Variants in STK24 observed in about 807,000 individuals in gnomAD.
STK24 encodes the protein serine/threonine-protein kinase 24.
In STK24, 21 loss-of-function variants were observed where a neutral mutation model predicts 55.6. That is an observed-to-expected ratio of 0.38 (90% CI 0.27 to 0.54). The LOEUF (loss-of-function observed/expected upper bound fraction) is 0.54, where lower values mean the gene tolerates loss of function less well. Ranked by LOEUF, STK24 falls within the 20% of genes least tolerant of loss-of-function variation. The pLI, the probability that STK24 is intolerant of heterozygous loss-of-function variation, is 0.79. For missense variants in STK24, 383 were observed against 538.4 expected (o/e 0.71, Z 2.86); for synonymous variants, 200 against 215.2 (o/e 0.93, Z 0.62).
chr13:98,448,158 T>TTCTGTAAGCGATGCCCACCAAA lies in STK24; in HGVS notation c.*4993_*5014dup, dbSNP rs1892975000. 5.6e-6 allele frequency: 7 copies of TTCTGTAAGCGATGCCCACCAAA among 1,254,518 alleles called. No individual in the cohort carries two copies. The highest frequency in any genetic ancestry group is 8.2e-6 in the Non-Finnish European group (7 of 854,972). 77.7% of individuals were successfully genotyped at this position (1,254,518 alleles called of 1,614,324 possible). On this transcript the variant is annotated 3_prime_UTR_variant, in exon 11 of 11. Transcript: ENST00000539966. ...CAGGCGGCCTGACTTCACCTTGTGT[T>TTCTGTAAGCGATGCCCACCAAA]TCTGTAAGCGATGCCCACCAAAGTG...
At chr13:98,471,993 C>CTGAG (rs1221574483) in intron 5 of STK24, among the ~76,000 whole-genome samples, 1 of 152,180 alleles carries the variant, frequency 6.6e-6, no homozygotes, top group African/African-American at 2.4e-5. Context: ...TGGGAAGCAG[C>CTGAG]TGAGTGAGCC....
chr13:98,543,535 G>A (rs142589806), intron 1 of STK24, among the ~76,000 whole-genome samples: 29 of 152,370 alleles, frequency 1.9e-4, no homozygotes, highest in African/African-American at 7.0e-4. Context: ...AACAGCAGCT[G>A]AGAAGCAGCA....
At chr13:98,478,714 G>C (rs1894475539) in intron 3 of STK24, among the ~76,000 whole-genome samples, 1 of 152,170 alleles carries the variant, frequency 6.6e-6, no homozygotes, top group Non-Finnish European at 1.5e-5. Context: ...TTTTAAGTCC[G>C]TCAAACATCT....
chr13:98,458,951 T>C (rs1413304829), intron 9 of STK24, among the ~76,000 whole-genome samples: 2 of 152,214 alleles, frequency 1.3e-5, no homozygotes, highest in Admixed American at 1.3e-4. Flanking sequence ...TAAAAATACA[T>C]TGGGAAAGAT....
chr13:98,514,491 C>G lies in STK24; in HGVS notation c.273+4752G>C, dbSNP rs545867095. 3.8e-4 allele frequency among the ~76,000 whole-genome samples: 58 copies of G among 152,334 alleles called. 1 individual carries two copies. The highest frequency in any genetic ancestry group is 1.4e-3 in the African/African-American group (57 of 41,576). ...GTACTTTCATAGAGTACTTAGTTTT[C>G]TAAAACTCACCAAGGGACTTTCCCA... On this transcript the variant is annotated intron_variant, in intron 2 of 10. Coordinates refer to ENST00000539966, the MANE Select transcript of STK24 (RefSeq NM_001032296.4).
chr13:98,475,203 C>T, intron 4 of STK24, 47 bp downstream of exon 4: 2 of 1,539,806 alleles, frequency 1.3e-6, no homozygotes, highest in East Asian at 4.5e-5. Context: ...GGCAACCCCA[C>T]CACCACCTTC....
intron 1 of STK24, among the ~76,000 whole-genome samples, chr13:98,541,077 G>A (rs1253220181): frequency 5.9e-5 from 9 of 152,206 alleles, no homozygotes; most frequent in Non-Finnish European, 1.3e-4. Flanking sequence ...TGAGGCTCCA[G>A]AGGAAGGTCT....
chr13:98,482,297 C>A lies in STK24; in HGVS notation c.298G>T (p.Glu100Ter). ...LKDTKLWIIM[E>*]YLGGGSALDL... ...AGTGCGGAGCCTCCACCAAGATATT[C>A]CATTATTATCCATAATTTTGTATCC... is the stretch of plus-strand genomic sequence containing the variant. The change falls in exon 3 of 11, where the codon GAA becomes TAA. Residue 100 changes from glutamate to a stop codon, truncating the protein, a stop_gained. Coordinates refer to ENST00000539966, the MANE Select transcript of STK24 (RefSeq NM_001032296.4). LOFTEE classifies it high-confidence loss of function. 6.4e-7 allele frequency: 1 copy of A among 1,569,440 alleles called. No homozygotes were observed. The highest frequency in any genetic ancestry group is 1.2e-5 in the South Asian group (1 of 86,658).
chr13:98,457,573 G>A (rs1297836310), intron 9 of STK24, among the ~76,000 whole-genome samples: 5 of 150,548 alleles, frequency 3.3e-5, no homozygotes, highest in African/African-American at 4.9e-5. Context: ...GGGTTCCAGC[G>A]ATTCTCCTGC....
At chr13:98,575,566 G>A (rs76848047) in intron 1 of STK24, among the ~76,000 whole-genome samples, 1 of 152,120 alleles carries the variant, frequency 6.6e-6, no homozygotes, top group African/African-American at 2.4e-5. Context: ...GAAGGGAGAG[G>A]GATGATCTCA....
chr13:98,458,361 G>T (rs1479832509), intron 9 of STK24, among the ~76,000 whole-genome samples: 1 of 152,144 alleles, frequency 6.6e-6, no homozygotes, highest in Non-Finnish European at 1.5e-5. Context: ...AACATCTCAG[G>T]CGACATTCAG....
chr13:98,459,087 T>C (rs1226186316), intron 9 of STK24, among the ~76,000 whole-genome samples: 2 of 152,102 alleles, frequency 1.3e-5, no homozygotes, highest in East Asian at 3.9e-4. Context: ...CTCAGGAGAA[T>C]GAAAAAGTCC....
intron 1 of STK24, among the ~76,000 whole-genome samples, chr13:98,551,696 G>C (rs1365317757): frequency 6.6e-6 from 1 of 152,092 alleles, no homozygotes; most frequent in Admixed American, 6.5e-5. Context: ...CTTTCACCCA[G>C]TTTGTACCTC....
chr13:98,529,455 G>A (rs1896521721), intron 1 of STK24, among the ~76,000 whole-genome samples: 1 of 151,950 alleles, frequency 6.6e-6, no homozygotes, highest in African/African-American at 2.4e-5. Flanking sequence ...AAAACAACTG[G>A]GGACGACCCA....
At chr13:98,460,225 T>A in intron 9 of STK24, 147 bp downstream of exon 9, 1 of 529,910 alleles carries the variant, frequency 1.9e-6, no homozygotes, top group Non-Finnish European at 3.3e-6. Context: ...GCTGACAGCC[T>A]TTGGGAAGGC....
At chr13:98,537,647 A>G (rs1442364647) in intron 1 of STK24, among the ~76,000 whole-genome samples, 8 of 152,120 alleles carry the variant, frequency 5.3e-5, no homozygotes, top group Non-Finnish European at 1.2e-4. Context: ...GTGCACCCGT[A>G]AGTACAGAAT....
chr13:98,448,082 C>T lies in STK24; in HGVS notation c.*5091G>A. The T allele has an allele frequency of 1.5e-6, 1 of 670,086 alleles. No homozygotes were observed. Among genetic ancestry groups the T allele is most frequent in the Non-Finnish European group, 2.7e-6 (1 of 367,842 alleles). The allele number at this position is 670,086 out of a possible 1,614,324, so 41.5% of individuals were successfully genotyped here. A position where few individuals can be genotyped will look rare whatever the true frequency, so the allele number is the denominator to read the frequency against. ...GGTCTCCACTGTACCTCAGGAACGC[C>T]TGGGTGCTGGCTGTTCCCTTGCTCT... On this transcript the variant is annotated 3_prime_UTR_variant, in exon 11 of 11. Transcript: ENST00000539966.
chr13:98,467,702 C>T (rs1444198710), intron 5 of STK24, among the ~76,000 whole-genome samples: 1 of 152,110 alleles, frequency 6.6e-6, no homozygotes, highest in Non-Finnish European at 1.5e-5. Flanking sequence ...AGCTGCCCCA[C>T]CTCCTTCTGC....
intron 1 of STK24, among the ~76,000 whole-genome samples, chr13:98,535,356 ACAAAC>A (rs1193580384): frequency 0.06 from 2,488 of 41,466 alleles, 35 homozygotes; most frequent in East Asian, 0.12. Context: ...AAACAAACAA[ACAAAC>A]AAAAAAAAAA....
Sources: allele counts gnomAD v4.1 joint callset (sites outside exome capture counted in the v4.1 genomes callset), GRCh38; gene constraint gnomAD v4.1.1; transcripts MANE v1.5; gene names NCBI Gene and HGNC (gene_info 2026-07-23, HGNC 2026-07-21).